Variants in CFAP299 observed in about 807,000 individuals in gnomAD.
The protein encoded by CFAP299 is cilia and flagella associated protein 299, also known as cilia- and flagella-associated protein 299.
In CFAP299, 21 loss-of-function variants were observed where a neutral mutation model predicts 27.0. The ratio of observed to expected loss-of-function variants is 0.78; its 90% CI spans 0.55 to 1.12. The LOEUF (loss-of-function observed/expected upper bound fraction) is 1.12. Among genes scored for constraint, CFAP299 ranks in the 50% most tolerant of loss-of-function variants. The pLI is 0.00. For missense variants in CFAP299, 310 were observed against 276.6 expected (o/e 1.12, Z -0.86); for synonymous variants, 104 against 98.1 (o/e 1.06, Z -0.36).
At chr4:80,422,968 C>T (rs1203767584) in intron 2 of CFAP299, among the ~76,000 whole-genome samples, 2 of 152,200 alleles carry the variant, frequency 1.3e-5, no homozygotes. Flanking sequence ...TACAAACCTA[C>T]ACAGCATGTT....
Position 80,694,001 on chromosome 4 carries a change from T to C in CFAP299, c.333+110818T>C, listed in dbSNP as rs371214881. Among the ~76,000 whole-genome samples, 10 of 152,236 alleles carry C rather than the reference T, an allele frequency of 6.6e-5. 1 individual carries two copies. The highest frequency in any genetic ancestry group is 2.4e-4 in the African/African-American group (10 of 41,560). On this transcript the variant is annotated intron_variant, in intron 3 of 5. Coordinates refer to ENST00000358105, the MANE Select transcript of CFAP299 (RefSeq NM_152770.3). Reference sequence around the variant, plus strand: ...AATCATTCCTATGATTTCCCTATTGTTTATATGCAAAGATTGTGAAAAATC... The same window carrying C: ...AATCATTCCTATGATTTCCCTATTGCTTATATGCAAAGATTGTGAAAAATC...
chr4:80,653,197 CT>C (rs1165081714), intron 3 of CFAP299, among the ~76,000 whole-genome samples: 1 of 152,066 alleles, frequency 6.6e-6, no homozygotes, highest in East Asian at 1.9e-4. Flanking sequence ...TATCCAAAAC[CT>C]CCTCTTTCTG....
Position 80,507,451 on chromosome 4 carries a change from A to C in CFAP299, c.243-75642A>C, listed in dbSNP as rs186784479. ...AATATAATATGAAAGAGTTGAGGCA[A>C]CTTTTCAAAGTGATACATTTGGAGT... is the stretch of plus-strand genomic sequence containing the variant. On this transcript the variant is annotated intron_variant, in intron 2 of 5. Coordinates refer to ENST00000358105, the MANE Select transcript of CFAP299 (RefSeq NM_152770.3). 5.3e-3 allele frequency among the ~76,000 whole-genome samples: 802 copies of C among 152,290 alleles called. 4 individuals carry two copies. Among genetic ancestry groups the C allele is most frequent in the Middle Eastern group, 0.017 (5 of 294 alleles).
intron 3 of CFAP299, among the ~76,000 whole-genome samples, chr4:80,789,317 C>T (rs1727420798): frequency 6.6e-6 from 1 of 151,966 alleles, no homozygotes; most frequent in Admixed American, 6.6e-5. Context: ...GTTGTAGTGA[C>T]TTAAGCACCA....
At chr4:80,678,802 T>C (rs1719641201) in intron 3 of CFAP299, among the ~76,000 whole-genome samples, 1 of 152,088 alleles carries the variant, frequency 6.6e-6, no homozygotes, top group South Asian at 2.1e-4. Flanking sequence ...TATTAATATG[T>C]AAAGTCCTAT....
intron 1 of CFAP299, among the ~76,000 whole-genome samples, chr4:80,336,211 A>G (rs1051621904): frequency 1.3e-5 from 2 of 152,158 alleles, no homozygotes; most frequent in Admixed American, 1.3e-4. Context: ...CTCTGTGAGG[A>G]AGGAGGTCTG....
intron 4 of CFAP299, among the ~76,000 whole-genome samples, chr4:80,876,709 C>T (rs1249098482): frequency 6.6e-6 from 1 of 151,974 alleles, no homozygotes; most frequent in Non-Finnish European, 1.5e-5. Flanking sequence ...GAGATCACTG[C>T]CATTATTTTT....
intron 2 of CFAP299, among the ~76,000 whole-genome samples, chr4:80,467,564 G>T (rs1381606830): frequency 6.6e-6 from 1 of 152,094 alleles, no homozygotes; most frequent in Non-Finnish European, 1.5e-5. Context: ...AGGCTTCTAA[G>T]GTCACAGCTT....
At chr4:80,510,635 G>C (rs1732249469) in intron 2 of CFAP299, among the ~76,000 whole-genome samples, 1 of 152,086 alleles carries the variant, frequency 6.6e-6, no homozygotes, top group Non-Finnish European at 1.5e-5. Context: ...TCTGCTTCTA[G>C]GTACTCCTGT....
Position 80,883,133 on chromosome 4 carries a change from ACT to A in CFAP299, c.476+13001_476+13002del, listed in dbSNP as rs1733795679. On this transcript the variant is annotated intron_variant, in intron 4 of 5. Coordinates refer to ENST00000358105, the MANE Select transcript of CFAP299 (RefSeq NM_152770.3). ...ACAATATTAAAAGTTATACATTTTG[ACT>A]CTAATAACATTAAGCATATGAGAGG... 2.6e-5 allele frequency among the ~76,000 whole-genome samples: 4 copies of A among 152,136 alleles called. No individual in the cohort carries two copies. In the South Asian group the frequency reaches 8.3e-4, roughly 31 times the overall value.
intron 3 of CFAP299, among the ~76,000 whole-genome samples, chr4:80,747,760 A>C (rs1724704103): frequency 6.6e-6 from 1 of 151,946 alleles, no homozygotes; most frequent in South Asian, 2.1e-4. Flanking sequence ...TCTGACTTGA[A>C]ATGGCAAATT....
chr4:80,581,921 T>A (rs79219682), intron 2 of CFAP299, among the ~76,000 whole-genome samples: 1 of 151,884 alleles, frequency 6.6e-6, no homozygotes, highest in Non-Finnish European at 1.5e-5. Context: ...TGAAAGGGGT[T>A]GTAAGAATGA....
intron 2 of CFAP299, among the ~76,000 whole-genome samples, chr4:80,418,891 T>C (rs957379858): frequency 1.3e-5 from 2 of 152,232 alleles, no homozygotes; most frequent in Admixed American, 6.5e-5. Context: ...CATTCATTCA[T>C]CCCTTCATGG....
chr4:80,464,675 A>G (rs989110643), intron 2 of CFAP299, among the ~76,000 whole-genome samples: 9 of 152,194 alleles, frequency 5.9e-5, no homozygotes, highest in African/African-American at 2.2e-4. Flanking sequence ...ATTCATTTTA[A>G]TAAATTCTAA....
At chr4:80,649,897 T>C (rs1740202202) in intron 3 of CFAP299, among the ~76,000 whole-genome samples, 1 of 152,088 alleles carries the variant, frequency 6.6e-6, no homozygotes, top group South Asian at 2.1e-4. Context: ...GGGAGTTTTC[T>C]TCATAAATCA....
intron 3 of CFAP299, among the ~76,000 whole-genome samples, chr4:80,835,807 G>A (rs1578168344): frequency 6.6e-6 from 1 of 152,054 alleles, no homozygotes; most frequent in East Asian, 1.9e-4. Flanking sequence ...ACCAAGTCTG[G>A]CAAATTTTTA....
chr4:80,443,781 C>T (rs892337810), intron 2 of CFAP299, among the ~76,000 whole-genome samples: 5 of 152,108 alleles, frequency 3.3e-5, no homozygotes, highest in Non-Finnish European at 7.3e-5. Flanking sequence ...TTTAGACAGC[C>T]CCATCATCTC....
chr4:80,750,960 A>G (rs1724897263), intron 3 of CFAP299, among the ~76,000 whole-genome samples: 1 of 152,154 alleles, frequency 6.6e-6, no homozygotes, highest in African/African-American at 2.4e-5. Context: ...GGGTTACAAC[A>G]TGCTCCTTTA....
At chr4:80,583,338 A>G (rs1490670445) in intron 3 of CFAP299, 155 bp downstream of exon 3, 1 of 388,884 alleles carries the variant, frequency 2.6e-6, no homozygotes, top group African/African-American at 2.1e-5. Context: ...ATACATAGAA[A>G]GTTAAAAATT....
Sources: allele counts gnomAD v4.1 joint callset (sites outside exome capture counted in the v4.1 genomes callset), GRCh38; gene constraint gnomAD v4.1.1; transcripts MANE v1.5; gene names NCBI Gene and HGNC (gene_info 2026-07-23, HGNC 2026-07-21).